The following TWIST1 variants were observed in gnomAD, a reference collection of about 807,000 sequenced individuals.
TWIST1 encodes twist-related protein 1.
Under a neutral mutation model 12.9 loss-of-function variants are expected in TWIST1, and 8 were observed. That is an observed-to-expected ratio of 0.62 (90% CI 0.37 to 1.12). TWIST1 has a LOEUF of 1.12. Among genes scored for constraint, TWIST1 ranks in the 50% most tolerant of loss-of-function variants. The probability of loss-of-function intolerance (pLI) is 0.02; values close to 1 mark genes in which losing one functional copy is unlikely to be tolerated. For missense variants in TWIST1, 268 were observed against 299.7 expected (o/e 0.89, Z 0.78); for synonymous variants, 169 against 138.7 (o/e 1.22, Z -1.54).
intron 1 of TWIST1, 38 bp from the exon 2 acceptor site, chr7:19,116,169 T>C (rs1160318991): frequency 6.7e-6 from 1 of 148,306 alleles, no homozygotes; most frequent in Non-Finnish European, 1.5e-5. Context: ...AGTCGGTTAT[T>C]GTTTAGGTCT....
In TWIST1 at chr7:19,117,420, G is replaced by C. The variant is rs1288574185; in HGVS notation, c.-99C>G. ...TCCCCCGCGCGCGGCGCCGGCCCGG[G>C]CGATGCGGCCCGCGGAGGAGAGAGC... On this transcript the variant is annotated 5_prime_UTR_variant, in exon 1 of 2. Coordinates refer to ENST00000242261, the MANE Select transcript of TWIST1 (RefSeq NM_000474.4). 8.2e-7 allele frequency: 1 copy of C among 1,218,862 alleles called. No homozygotes were observed. Among genetic ancestry groups the C allele is most frequent in the African/African-American group, 1.6e-5 (1 of 62,046 alleles). The allele number at this position is 1,218,862 out of a possible 1,614,324, so 75.5% of individuals were successfully genotyped here. A position where few individuals can be genotyped will look rare whatever the true frequency, so the allele number is the denominator to read the frequency against.
chr7:19,114,246 A>T (rs1191099952), downstream of TWIST1: 1 of 152,242 alleles, frequency 6.6e-6, no homozygotes, highest in Non-Finnish European at 1.5e-5. Context: ...TTATTGTAAA[A>T]TATAGTCTGA....
chr7:19,113,368 C>G (rs889408349), downstream of TWIST1: 8 of 152,304 alleles, frequency 5.3e-5, no homozygotes, highest in African/African-American at 1.9e-4. Flanking sequence ...ATTGGAAAGC[C>G]TTAGCTTCTT....
chr7:19,116,681 G>T lies in TWIST1; in HGVS notation c.*32C>A. 5 of 1,573,162 alleles carry T rather than the reference G, an allele frequency of 3.2e-6. No homozygotes were observed. The highest frequency in any genetic ancestry group is 3.4e-6 in the Non-Finnish European group (4 of 1,161,086). ...CGGCGCGGTCCTTACCTAGGTCTCC[G>T]GCCCTGCTGAGGGGGTGGGGGGCTC... On this transcript the variant is annotated 3_prime_UTR_variant, in exon 1 of 2. Coordinates refer to ENST00000242261, the MANE Select transcript of TWIST1 (RefSeq NM_000474.4).
At chr7:19,116,289 G>A (rs559181197) in intron 1 of TWIST1, among the ~76,000 whole-genome samples, 158 bp from the exon 2 acceptor site, 1 of 152,302 alleles carries the variant, frequency 6.6e-6, no homozygotes, top group East Asian at 1.9e-4. Context: ...AAGTGGGTGG[G>A]TGGAAAGGAG....
At position 19,117,163 on chromosome 7, in the gene TWIST1, G is replaced by T; in HGVS notation, c.159C>A (p.Gly53=). 1 of 1,089,748 alleles carries T rather than the reference G, an allele frequency of 9.2e-7. No individual in the cohort carries two copies. Among genetic ancestry groups the T allele is most frequent in the Non-Finnish European group, 1.1e-6 (1 of 900,322 alleles). The allele number at this position is 1,089,748 out of a possible 1,614,324, so 67.5% of individuals were successfully genotyped here. Residue 53 remains glycine, a synonymous_variant, in exon 1 of 2, where the codon GGC becomes GGA. Coordinates refer to ENST00000242261, the MANE Select transcript of TWIST1 (RefSeq NM_000474.4). ...RRSAGGGAGP[G]GAAGGGVGGG... is the part of the protein sequence containing the mutation. ...CTCCGACGCCCCCACCCGCGGCTCC[G>T]CCGGGCCCCGCGCCGCCGCCCGCGC...
chr7:19,117,075 C>CGCCGCA lies in TWIST1; in HGVS notation c.246_247insTGCGGC (p.Cys81_Gly82dup). 7.2e-7 allele frequency: 1 copy of CGCCGCA among 1,395,384 alleles called. No individual in the cohort carries two copies. The highest frequency in any genetic ancestry group is 1.5e-5 in the African/African-American group (1 of 65,090). 86.4% of individuals were successfully genotyped at this position (1,395,384 alleles called of 1,614,324 possible). A position where few individuals can be genotyped will look rare whatever the true frequency, so the allele number is the denominator to read the frequency against. On this transcript the variant is annotated inframe_insertion, in exon 1 of 2. Coordinates refer to ENST00000242261, the MANE Select transcript of TWIST1 (RefSeq NM_000474.4). ...CCGCCGCCGCCCGCGCCGCCGCCGC[C>CGCCGCA]GCCACAGCCCGCAGACTTCTTGCCG...
chr7:19,114,603 T>C (rs190850527), downstream of TWIST1, among the ~76,000 whole-genome samples: 86 of 152,366 alleles, frequency 5.6e-4, no homozygotes, highest in Middle Eastern at 3.4e-3. Flanking sequence ...TGCCCATTAT[T>C]GTTTTACTTA....
downstream of TWIST1, among the ~76,000 whole-genome samples, chr7:19,114,935 G>C (rs547165705): frequency 6.6e-6 from 1 of 152,280 alleles, no homozygotes; most frequent in East Asian, 1.9e-4. Context: ...CATGAGAGAA[G>C]AGTTAAGCAA....
chr7:19,116,574 G>C (rs377293398), intron 1 of TWIST1, 97 bp downstream of exon 1: 1 of 975,758 alleles, frequency 1.0e-6, no homozygotes, highest in East Asian at 2.6e-5. Context: ...CGGAGAGTGG[G>C]AGAGGGGAGG....
Position 19,117,468 on chromosome 7 carries a change from T to G in TWIST1, c.-147A>C. 1 of 1,175,800 alleles carries G rather than the reference T, an allele frequency of 8.5e-7. No homozygotes were observed. Among genetic ancestry groups the G allele is most frequent in the Non-Finnish European group, 1.1e-6 (1 of 947,348 alleles). The allele number at this position is 1,175,800 out of a possible 1,614,324, so 72.8% of individuals were successfully genotyped here. A position where few individuals can be genotyped will look rare whatever the true frequency, so the allele number is the denominator to read the frequency against. On this transcript the variant is annotated 5_prime_UTR_variant, in exon 1 of 2. Coordinates refer to ENST00000242261, the MANE Select transcript of TWIST1 (RefSeq NM_000474.4). ...AGCAGGAGGACGGACGGGAGGGACCTCCGCGGGGAGGGCGCGCGGGGGAGG... is the reference window on the plus strand; with the variant it reads ...AGCAGGAGGACGGACGGGAGGGACCGCCGCGGGGAGGGCGCGCGGGGGAGG...
rs1173432431 is a variant in TWIST1 at position 19,117,025 on chromosome 7, ACTCCCGCCGCCGCTG to A, written c.282_296del (p.Ser95_Ser99del). ...TCTGCAGCTCCTCGTAAGACTGCGG[ACTCCCGCCGCCGCTG>A]CTGCTGCCGCCGCCGCCGCCCGCGC... On this transcript the variant is annotated inframe_deletion, in exon 1 of 2. Transcript: ENST00000242261. 1 of 1,511,350 alleles carries A rather than the reference ACTCCCGCCGCCGCTG, an allele frequency of 6.6e-7. No individual in the cohort carries two copies. Among genetic ancestry groups the A allele is most frequent in the Non-Finnish European group, 8.8e-7 (1 of 1,140,106 alleles). 93.6% of individuals were successfully genotyped at this position (1,511,350 alleles called of 1,614,324 possible). A position where few individuals can be genotyped will look rare whatever the true frequency, so the allele number is the denominator to read the frequency against.
Position 19,116,769 on chromosome 7 carries a change from A to C in TWIST1, c.553T>G (p.Tyr185Asp). 6.2e-7 allele frequency: 1 copy of C among 1,613,700 alleles called. No homozygotes were observed. Among genetic ancestry groups the C allele is most frequent in the Non-Finnish European group, 8.5e-7 (1 of 1,179,872 alleles). The change falls in exon 1 of 2, where the codon TAC (tyrosine) becomes GAC (aspartate). Residue 185 changes from tyrosine (Y) to aspartate (D), a missense_variant. Around this residue, in one of 2 missense-constraint regions of TWIST1, gnomAD observed 79 missense variants for 127.6 expected, o/e 0.62. Transcript: ENST00000242261. ...CSYVAHERLS[Y>D]AFSVWRMEGA... ...TCCATCCTCCAGACCGAGAAGGCGT[A>C]GCTGAGCCGCTCGTGAGCCACATAG... is the stretch of plus-strand genomic sequence containing the variant.
chr7:19,116,616 C>G, intron 1 of TWIST1, 55 bp downstream of exon 1: 2 of 1,402,598 alleles, frequency 1.4e-6, no homozygotes, highest in Non-Finnish European at 1.9e-6. Flanking sequence ...CGCGGCCTGG[C>G]CGGCCTGCCG....
downstream of TWIST1, chr7:19,115,437 T>C (rs990134225): frequency 6.5e-6 from 1 of 152,714 alleles, no homozygotes; most frequent in Middle Eastern, 3.4e-3. Flanking sequence ...ACTTAATCTT[T>C]AGTTTTAAAA....
Position 19,117,256 on chromosome 7 carries a change from T to C in TWIST1, c.66A>G (p.Glu22=), listed in dbSNP as rs1331959399. 4.1e-6 allele frequency: 6 copies of C among 1,460,150 alleles called. No homozygotes were observed. The East Asian group carries it at 1.8e-4, about 44-fold the overall frequency. The allele number at this position is 1,460,150 out of a possible 1,614,324, so 90.4% of individuals were successfully genotyped here. A position where few individuals can be genotyped will look rare whatever the true frequency, so the allele number is the denominator to read the frequency against. ...PADDSLSNSE[E]EPDRQQPPSG... is the part of the protein sequence containing the mutation. ...TCGGCGGCTGCTGCCGGTCTGGCTC[T>C]TCCTCGCTGTTGCTCAGGCTGTCGT... The change falls in exon 1 of 2, where the codon GAA becomes GAG. Residue 22 remains glutamate, a synonymous_variant. Coordinates refer to ENST00000242261, the MANE Select transcript of TWIST1 (RefSeq NM_000474.4).
Position 19,117,541 on chromosome 7 carries a change from G to A in TWIST1, c.-220C>T. Reference sequence around the variant, plus strand: ...AGGGGACGGTGTGGATGGCCCCGAGGTCCAAAAAGAAAGCGCCCAACGGCT... The same window carrying A: ...AGGGGACGGTGTGGATGGCCCCGAGATCCAAAAAGAAAGCGCCCAACGGCT... On this transcript the variant is annotated 5_prime_UTR_variant, in exon 1 of 2. Coordinates refer to ENST00000242261, the MANE Select transcript of TWIST1 (RefSeq NM_000474.4). 8.6e-7 allele frequency: 1 copy of A among 1,157,638 alleles called. No individual in the cohort carries two copies. Among genetic ancestry groups the A allele is most frequent in the Non-Finnish European group, 1.1e-6 (1 of 930,978 alleles). 71.7% of individuals were successfully genotyped at this position (1,157,638 alleles called of 1,614,324 possible).
downstream of TWIST1, among the ~76,000 whole-genome samples, chr7:19,114,838 A>G (rs915957675): frequency 2.6e-5 from 4 of 152,222 alleles, no homozygotes; most frequent in Non-Finnish European, 4.4e-5. Flanking sequence ...ACACATAAAA[A>G]AAGAATGATG....
downstream of TWIST1, chr7:19,114,077 C>A (rs548978712): frequency 6.6e-6 from 1 of 152,158 alleles, no homozygotes; most frequent in South Asian, 2.1e-4. Flanking sequence ...ACATTTCTAA[C>A]CTGCCTTACA....
Sources: allele counts gnomAD v4.1 joint callset (sites outside exome capture counted in the v4.1 genomes callset), GRCh38; gene constraint gnomAD v4.1.1; regional missense constraint gnomAD v4.1.1; transcripts MANE v1.5; gene names NCBI Gene and HGNC (gene_info 2026-07-23, HGNC 2026-07-21).